The following FAM135B variants were observed in gnomAD, a reference collection of about 807,000 sequenced individuals.
FAM135B encodes family with sequence similarity 135 member B.
Under a neutral mutation model 127.7 loss-of-function variants are expected in FAM135B, and 43 were observed. The observed-to-expected ratio is 0.34, with a 90% confidence interval of 0.26 to 0.43. The LOEUF (loss-of-function observed/expected upper bound fraction) is 0.43, where lower values mean the gene tolerates loss of function less well. Among genes scored for constraint, FAM135B ranks in the 20% least tolerant of loss-of-function variants. The probability of loss-of-function intolerance (pLI) is 1.00; values close to 1 mark genes in which losing one functional copy is unlikely to be tolerated. For synonymous variants in FAM135B, 670 were observed against 665.1 expected, an observed-to-expected ratio of 1.01 and a Z score of -0.11; for missense variants, 1,558 against 1,725.6, an observed-to-expected ratio of 0.90 and a Z score of 1.72.
At chr8:138,393,182 C>T (rs1832678148) in intron 1 of FAM135B, among the ~76,000 whole-genome samples, 1 of 152,164 alleles carries the variant, frequency 6.6e-6, no homozygotes, top group South Asian at 2.1e-4. Context: ...AATTATCTCC[C>T]AGTGGGTCCC....
In FAM135B at chr8:138,151,177, C is replaced by T. The variant is rs1268168040; in HGVS notation, c.3281+17G>A. The T allele has an allele frequency of 6.7e-7, 1 of 1,498,118 alleles. No homozygotes were observed. The highest frequency in any genetic ancestry group is 2.3e-5 in the East Asian group (1 of 43,000). 92.8% of individuals were successfully genotyped at this position (1,498,118 alleles called of 1,614,324 possible). A position where few individuals can be genotyped will look rare whatever the true frequency, so the allele number is the denominator to read the frequency against. On this transcript the variant is annotated intron_variant, in intron 13 of 19. Coordinates refer to ENST00000395297, the MANE Select transcript of FAM135B (RefSeq NM_015912.4). The stretch of plus-strand genomic sequence containing the variant: ...AAAAGACTGTTGTGGGAAAGGTAAG[C>T]CCGTCAGCCAGCTTACCTAAACATC...
chr8:138,359,501 T>A (rs1365509110), intron 2 of FAM135B, among the ~76,000 whole-genome samples: 1 of 152,190 alleles, frequency 6.6e-6, no homozygotes, highest in Non-Finnish European at 1.5e-5. Context: ...AACTTGAAGG[T>A]TCACCTGCAT....
chr8:138,340,892 C>G (rs1829002879), intron 2 of FAM135B, among the ~76,000 whole-genome samples: 1 of 152,174 alleles, frequency 6.6e-6, no homozygotes, highest in South Asian at 2.1e-4. Context: ...CCCCCGCATG[C>G]TCTCCAAATC....
intron 1 of FAM135B, among the ~76,000 whole-genome samples, chr8:138,430,668 T>G (rs993723293): frequency 3.9e-5 from 6 of 152,118 alleles, no homozygotes; most frequent in African/African-American, 1.2e-4. Flanking sequence ...GGTGGCAGAG[T>G]TGGCCTGGGT....
chr8:138,250,003 G>C (rs1395446899), intron 6 of FAM135B, among the ~76,000 whole-genome samples: 1 of 152,200 alleles, frequency 6.6e-6, no homozygotes, highest in African/African-American at 2.4e-5. Flanking sequence ...TAGAACCTCA[G>C]TGCTTCACAT....
At chr8:138,204,355 AG>A (rs1438912087) in intron 7 of FAM135B, among the ~76,000 whole-genome samples, 3 of 152,208 alleles carry the variant, frequency 2.0e-5, no homozygotes, top group African/African-American at 7.2e-5. Flanking sequence ...TCATTAGACC[AG>A]TTCTTCCTGT....
intron 3 of FAM135B, among the ~76,000 whole-genome samples, chr8:138,284,006 G>A (rs1824479449): frequency 6.6e-6 from 1 of 152,028 alleles, no homozygotes. Context: ...GCATATGTGT[G>A]TATAGGGTGT....
chr8:138,401,139 G>C (rs1833132879), intron 1 of FAM135B, among the ~76,000 whole-genome samples: 1 of 152,160 alleles, frequency 6.6e-6, no homozygotes, highest in African/African-American at 2.4e-5. Context: ...GCTCAACCAA[G>C]TTTGGGACAT....
intron 9 of FAM135B, among the ~76,000 whole-genome samples, chr8:138,190,351 G>A (rs1312953333): frequency 6.6e-6 from 1 of 152,178 alleles, no homozygotes; most frequent in Non-Finnish European, 1.5e-5. Context: ...GGCTGGACAT[G>A]CCTCAGTATA....
chr8:138,478,548 C>T (rs1814625072), intron 1 of FAM135B, among the ~76,000 whole-genome samples: 1 of 152,044 alleles, frequency 6.6e-6, no homozygotes, highest in Non-Finnish European at 1.5e-5. Flanking sequence ...AACTTGAAAC[C>T]ACAGAGAGCA....
chr8:138,406,998 C>T (rs1277093965), intron 1 of FAM135B, among the ~76,000 whole-genome samples: 32 of 150,218 alleles, frequency 2.1e-4, no homozygotes, highest in African/African-American at 6.9e-4. Context: ...GATTGTATAT[C>T]TAGAAAACCC....
chr8:138,426,369 G>C (rs899741897), intron 1 of FAM135B, among the ~76,000 whole-genome samples: 12 of 151,602 alleles, frequency 7.9e-5, no homozygotes, highest in Non-Finnish European at 1.6e-4. Context: ...TTTGTATATT[G>C]CTGGAGAAGT....
At chr8:138,384,248 T>C (rs1294993500) in intron 1 of FAM135B, among the ~76,000 whole-genome samples, 1 of 152,218 alleles carries the variant, frequency 6.6e-6, no homozygotes, top group East Asian at 1.9e-4. Context: ...CCAAAGTGAC[T>C]GAACCCATCA....
intron 2 of FAM135B, among the ~76,000 whole-genome samples, chr8:138,339,414 C>T (rs1828882725): frequency 6.7e-6 from 1 of 150,086 alleles, no homozygotes; most frequent in Admixed American, 6.6e-5. Flanking sequence ...ACTATTTTCC[C>T]TGAACTCCTC....
intron 18 of FAM135B, among the ~76,000 whole-genome samples, chr8:138,137,773 C>G (rs374499955): frequency 9.2e-5 from 14 of 152,280 alleles, no homozygotes; most frequent in African/African-American, 3.1e-4. Context: ...GCCAGTCTTG[C>G]CTTCCTGCAA....
intron 1 of FAM135B, among the ~76,000 whole-genome samples, chr8:138,395,196 C>A (rs1832783590): frequency 6.6e-6 from 1 of 152,184 alleles, no homozygotes; most frequent in South Asian, 2.1e-4. Context: ...ATTTAAATGT[C>A]TCCACTTATA....
chr8:138,186,223 T>C (rs1172865129), intron 9 of FAM135B, among the ~76,000 whole-genome samples: 1 of 152,222 alleles, frequency 6.6e-6, no homozygotes, highest in African/African-American at 2.4e-5. Context: ...CCACCTTATC[T>C]GTGAACAAAT....
Position 138,429,791 on chromosome 8 carries a change from C to G in FAM135B, c.-19-61789G>C, listed in dbSNP as rs1490310575. On this transcript the variant is annotated intron_variant, in intron 1 of 19. Coordinates refer to ENST00000395297, the MANE Select transcript of FAM135B (RefSeq NM_015912.4). ...ACTATCCTGACAACAGATATTTGCT[C>G]TTAGGTACTTTAAAAATTAGAACTA... Among the ~76,000 whole-genome samples the G allele has an allele frequency of 2.0e-5, 3 of 152,128 alleles. No homozygotes were observed. In the East Asian group the frequency reaches 5.8e-4, roughly 29 times the overall value.
At chr8:138,375,754 A>C (rs1370223044) in intron 1 of FAM135B, among the ~76,000 whole-genome samples, 1 of 152,114 alleles carries the variant, frequency 6.6e-6, no homozygotes, top group Non-Finnish European at 1.5e-5. Context: ...ATTATCCAGA[A>C]TGGTGTATTC....
Sources: allele counts gnomAD v4.1 joint callset (sites outside exome capture counted in the v4.1 genomes callset), GRCh38; gene constraint gnomAD v4.1.1; transcripts MANE v1.5; gene names NCBI Gene and HGNC (gene_info 2026-07-23, HGNC 2026-07-21).